Variants in NAV1 observed in about 807,000 individuals in gnomAD.
NAV1 encodes the protein pore membrane and/or filament interacting like protein 3.
NAV1 carries 18 observed loss-of-function variants against 175.2 expected under a neutral mutation model. The ratio of observed to expected loss-of-function variants is 0.10; its 90% CI spans 0.07 to 0.15. The LOEUF (loss-of-function observed/expected upper bound fraction) is 0.15. Among genes scored for constraint, NAV1 ranks in the 10% least tolerant of loss-of-function variants. The pLI is 1.00. For missense variants in NAV1, 1,731 were observed against 2,436.6 expected, an observed-to-expected ratio of 0.71 and a Z score of 6.10; for synonymous variants, 897 against 978.7, an observed-to-expected ratio of 0.92 and a Z score of 1.56.
At position 201,753,728 on chromosome 1, in the gene NAV1, C is replaced by A. The variant is rs879820197; in HGVS notation, c.1227-26693C>A. Among the ~76,000 whole-genome samples, 2 of 152,184 alleles carry A rather than the reference C, an allele frequency of 1.3e-5. 1 individual carries two copies. The highest frequency in any genetic ancestry group is 4.1e-4 in the South Asian group (2 of 4,828). ...CACAGCACATTCTGCATCCTTCTTGCAATTTTTAAGCTGTGCTAGGCAAAC... is the reference window on the plus strand; with the variant it reads ...CACAGCACATTCTGCATCCTTCTTGAAATTTTTAAGCTGTGCTAGGCAAAC... On this transcript the variant is annotated intron_variant, in intron 3 of 29. Coordinates refer to ENST00000367296, the Ensembl canonical transcript of NAV1.
At chr1:201,587,503 C>T (rs770685278) in intron 1 of NAV1, among the ~76,000 whole-genome samples, 18 of 151,452 alleles carry the variant, frequency 1.2e-4, no homozygotes, top group African/African-American at 1.7e-4. Flanking sequence ...CTGGGAAACA[C>T]GGCAAAACCT....
intron 2 of NAV1, among the ~76,000 whole-genome samples, chr1:201,616,364 T>A (rs6668148): frequency 0.14 from 21,376 of 152,074 alleles, 1,710 homozygotes; most frequent in East Asian, 0.22. Context: ...TCAAATCCAC[T>A]ACTTCCCAGA....
chr1:201,546,659 C>A (rs984237853), intron 1 of NAV1, among the ~76,000 whole-genome samples: 2 of 152,110 alleles, frequency 1.3e-5, no homozygotes, highest in African/African-American at 2.4e-5. Context: ...AATCCCAGCA[C>A]TTTGGGAGGC....
intron 1 of NAV1, among the ~76,000 whole-genome samples, chr1:201,540,818 A>T (rs1295386552): frequency 6.6e-6 from 1 of 152,192 alleles, no homozygotes; most frequent in Non-Finnish European, 1.5e-5. Context: ...GTTGCTAACC[A>T]CCTGGATGAT....
At chr1:201,661,832 G>C (rs1365802393) in intron 1 of NAV1, among the ~76,000 whole-genome samples, 1 of 152,196 alleles carries the variant, frequency 6.6e-6, no homozygotes, top group Non-Finnish European at 1.5e-5. Flanking sequence ...TAGCGGAGAA[G>C]TTAGCTTCTT....
Position 201,812,591 on chromosome 1 carries a change from C to A in NAV1, c.5151C>A (p.Asp1717Glu). 1 of 1,614,196 alleles carries A rather than the reference C, an allele frequency of 6.2e-7. No individual in the cohort carries two copies. Among genetic ancestry groups the A allele is most frequent in the Non-Finnish European group, 8.5e-7 (1 of 1,180,030 alleles). ...AGGAAGAGCTGCTTCGGGTGCTCGA[C>A]TGGGTACCCAAGCTGTGGTATCATC... Residue 1717 changes from aspartate to glutamate, a missense_variant, in exon 27 of 30, where the codon GAC becomes GAA. Asp to Glu is a conservative substitution (Grantham distance 45). Transcript: ENST00000367296. This position sits in a 1 kb window ranked among gnomAD's most constrained non-coding sequence, Gnocchi z 4.6.
chr1:201,655,906 G>A (rs1384373037), intron 1 of NAV1, among the ~76,000 whole-genome samples: 1 of 152,172 alleles, frequency 6.6e-6, no homozygotes, highest in African/African-American at 2.4e-5. Flanking sequence ...TGCATAGGTG[G>A]GAAGCTCCCA....
At chr1:201,752,736 A>G (rs1435479313) in intron 3 of NAV1, among the ~76,000 whole-genome samples, 1 of 152,108 alleles carries the variant, frequency 6.6e-6, no homozygotes. Flanking sequence ...GGGAAAAGTC[A>G]TAATTTGGTT....
chr1:201,615,097 G>A (rs1667964873), intron 2 of NAV1, among the ~76,000 whole-genome samples: 3 of 152,182 alleles, frequency 2.0e-5, no homozygotes, highest in Non-Finnish European at 4.4e-5. Context: ...TTCAGGGGCA[G>A]GGACTGTTCC....
intron 1 of NAV1, among the ~76,000 whole-genome samples, chr1:201,709,092 G>C (rs1421359170): frequency 1.3e-5 from 2 of 150,732 alleles, no homozygotes; most frequent in African/African-American, 2.4e-5. Flanking sequence ...TGAGCCTGCA[G>C]TGAGGCGTGA....
chr1:201,728,964 A>G (rs1348557781), intron 3 of NAV1, among the ~76,000 whole-genome samples: 1 of 152,206 alleles, frequency 6.6e-6, no homozygotes, highest in Non-Finnish European at 1.5e-5. Context: ...TGTCCTAGTA[A>G]CCTACAATTG....
At chr1:201,776,854 A>C (rs1415551629) in intron 3 of NAV1, among the ~76,000 whole-genome samples, 1 of 152,116 alleles carries the variant, frequency 6.6e-6, no homozygotes, top group Admixed American at 6.5e-5. Context: ...TAAAGTACCC[A>C]ATACGATGGA....
intron 2 of NAV1, among the ~76,000 whole-genome samples, chr1:201,613,634 A>G (rs1040569916): frequency 1.1e-4 from 17 of 152,174 alleles, no homozygotes; most frequent in African/African-American, 4.1e-4. Flanking sequence ...AGGCTGAGGC[A>G]GGCAGATCAC....
intron 3 of NAV1, among the ~76,000 whole-genome samples, chr1:201,736,922 C>T (rs1460625143): frequency 6.6e-6 from 1 of 152,120 alleles, no homozygotes; most frequent in African/African-American, 2.4e-5. Context: ...TCCGCTGCCC[C>T]CCACTCCCTG....
Position 201,813,315 on chromosome 1 carries a change from T to C in NAV1, c.5340+57T>C. Reference sequence around the variant, plus strand: ...GATCAGGCTGTCCTACCTAACAAAGTAGGAATGTTTCTTTAATGTTAGGCA... The same window carrying C: ...GATCAGGCTGTCCTACCTAACAAAGCAGGAATGTTTCTTTAATGTTAGGCA... On this transcript the variant is annotated intron_variant, in intron 28 of 29. Coordinates refer to ENST00000367296, the Ensembl canonical transcript of NAV1. The surrounding 1 kb of genome is among the most constrained non-coding windows in gnomAD (Gnocchi z 4.2). 1 of 1,135,796 alleles carries C rather than the reference T, an allele frequency of 8.8e-7. No homozygotes were observed. The highest frequency in any genetic ancestry group is 1.3e-6 in the Non-Finnish European group (1 of 765,224). The allele number at this position is 1,135,796 out of a possible 1,614,324, so 70.4% of individuals were successfully genotyped here.
chr1:201,571,369 C>A lies in NAV1; in HGVS notation c.-143-17170C>A, dbSNP rs1055341938. Among the ~76,000 whole-genome samples the A allele has an allele frequency of 3.7e-4, 57 of 152,234 alleles. 1 individual carries two copies. Among genetic ancestry groups the A allele is most frequent in the African/African-American group, 1.3e-3 (52 of 41,454 alleles). On this transcript the variant is annotated intron_variant, in intron 1 of 33. Coordinates refer to the NAV1 transcript ENST00000685211. ...GGTGCCCAGTGAATAAATGACAGCT[C>A]CCTTTCCTACATAGTCATGGCTTAA...
At position 201,789,726 on chromosome 1, in the gene NAV1, T is replaced by C. The variant is rs1470579919; in HGVS notation, c.3167-14T>C. 6.2e-7 allele frequency: 1 copy of C among 1,613,914 alleles called. No homozygotes were observed. Among genetic ancestry groups the C allele is most frequent in the Non-Finnish European group, 8.5e-7 (1 of 1,179,810 alleles). Reference sequence around the variant, plus strand: ...AACCCACTGTTAACTCTTTGTGTTCTCCTTCTCTTTCAGTTCACGGCTCAG... The same window carrying C: ...AACCCACTGTTAACTCTTTGTGTTCCCCTTCTCTTTCAGTTCACGGCTCAG... On this transcript the variant is annotated splice_polypyrimidine_tract_variant and intron_variant, in intron 10 of 29. Coordinates refer to ENST00000367296, the Ensembl canonical transcript of NAV1.
chr1:201,737,889 G>A lies in NAV1; in HGVS notation c.1226+19134G>A, dbSNP rs560040402. ...GCTGAGGCTAAAGAGAATCCCTTAT[G>A]GCACGTCACTGTAAGCTGTTCCCCA... is the stretch of plus-strand genomic sequence containing the variant. On this transcript the variant is annotated intron_variant, in intron 3 of 29. Transcript: ENST00000367296. Among the ~76,000 whole-genome samples the A allele has an allele frequency of 3.0e-4, 45 of 152,236 alleles. 1 individual carries two copies. The South Asian group carries it at 9.3e-3, about 32-fold the overall frequency.
At chr1:201,543,312 G>A (rs1468701240) in intron 1 of NAV1, among the ~76,000 whole-genome samples, 1 of 137,080 alleles carries the variant, frequency 7.3e-6, no homozygotes, top group Non-Finnish European at 1.7e-5. Flanking sequence ...TCTATTTCTA[G>A]TTTTCTAATC....
Sources: gnomAD v4.1 joint callset for allele counts (sites outside exome capture counted in the v4.1 genomes callset) on GRCh38, gnomAD v4.1.1 for gene constraint, Gnocchi (gnomAD v3.1) non-coding constraint, MANE v1.5 for transcripts, NCBI Gene and HGNC (gene_info 2026-07-23, HGNC 2026-07-21) for gene names.